The following AHCYL2 variants were observed in gnomAD, a reference collection of about 807,000 sequenced individuals.
AHCYL2 encodes the protein S-adenosylhomocysteine hydrolase-like protein 2.
Under a neutral mutation model 81.4 loss-of-function variants are expected in AHCYL2, and 28 were observed. The ratio of observed to expected loss-of-function variants is 0.34; its 90% confidence interval spans 0.25 to 0.47. The LOEUF (loss-of-function observed/expected upper bound fraction) is 0.47. Ranked by LOEUF, AHCYL2 falls within the 20% of genes least tolerant of loss-of-function variation. AHCYL2 has a pLI of 1.00. For missense variants in AHCYL2, 551 were observed against 785.1 expected, an observed-to-expected ratio of 0.70 and a Z score of 3.56; for synonymous variants, 272 against 290.2, an observed-to-expected ratio of 0.94 and a Z score of 0.64.
rs1215946604 is a variant in AHCYL2, at chr7:129,365,612, T to A, written c.364-14026T>A. 3.9e-5 allele frequency among the ~76,000 whole-genome samples: 4 copies of A among 101,762 alleles called. No individual in the cohort carries two copies. In the South Asian group the frequency reaches 1.4e-3, roughly 35 times the overall value. The allele number at this position is 101,762 out of a possible 152,430, so 66.8% of individuals were successfully genotyped here. ...TTCAAGAAGTAGCAGATAATACAGT[T>A]TACCTGGAGGATAGAGTATATATAT... On this transcript the variant is annotated intron_variant, in intron 1 of 16. Coordinates refer to ENST00000325006, the MANE Select transcript of AHCYL2 (RefSeq NM_015328.4).
rs1187933291 is a variant in AHCYL2, at chr7:129,428,146, C to T, written c.*1101C>T. On this transcript the variant is annotated 3_prime_UTR_variant, in exon 17 of 17. Transcript: ENST00000325006. ...CAGAGATGAAATTGTAAACTGTATC[C>T]AGATTATCAAAGCTAATTTGACTAG... The T allele has an allele frequency of 6.6e-6, 1 of 152,146 alleles. No individual in the cohort carries two copies. The highest frequency in any genetic ancestry group is 1.5e-5 in the Non-Finnish European group (1 of 68,036). 9.4% of individuals were successfully genotyped at this position (152,146 alleles called of 1,614,324 possible). A position where few individuals can be genotyped will look rare whatever the true frequency, so the allele number is the denominator to read the frequency against.
intron 1 of AHCYL2, among the ~76,000 whole-genome samples, chr7:129,371,660 G>T (rs967884183): frequency 5.3e-5 from 8 of 152,132 alleles, no homozygotes; most frequent in Non-Finnish European, 1.0e-4. Flanking sequence ...AGTCCCTTCT[G>T]GTAGTAACCT....
chr7:129,264,775 G>A (rs1795760900), intron 1 of AHCYL2, among the ~76,000 whole-genome samples: 1 of 152,190 alleles, frequency 6.6e-6, no homozygotes. Context: ...TGCTTGTTCA[G>A]TGTGACAGAG....
chr7:129,338,626 T>C (rs538158692), intron 1 of AHCYL2, among the ~76,000 whole-genome samples: 7 of 152,360 alleles, frequency 4.6e-5, no homozygotes, highest in Non-Finnish European at 7.4e-5. Flanking sequence ...TGGTATGTCA[T>C]TGAAGTTTCA....
intron 1 of AHCYL2, among the ~76,000 whole-genome samples, chr7:129,365,972 T>A (rs1794098570): frequency 6.6e-6 from 1 of 152,096 alleles, no homozygotes; most frequent in Admixed American, 6.5e-5. Flanking sequence ...ATTGGCAATT[T>A]AGGTAACAGA....
chr7:129,251,531 T>C (rs1795251477), intron 1 of AHCYL2, among the ~76,000 whole-genome samples: 1 of 152,080 alleles, frequency 6.6e-6, no homozygotes, highest in Admixed American at 6.6e-5. Flanking sequence ...TATTACTAGG[T>C]TTATTATTCT....
chr7:129,331,836 C>T (rs1798436414), intron 1 of AHCYL2, among the ~76,000 whole-genome samples: 2 of 150,750 alleles, frequency 1.3e-5, no homozygotes, highest in Non-Finnish European at 3.0e-5. Context: ...AGTGAGACTC[C>T]CTGTCAAAAA....
chr7:129,398,684 AT>A (rs903842258), intron 5 of AHCYL2, among the ~76,000 whole-genome samples: 55 of 144,062 alleles, frequency 3.8e-4, no homozygotes, highest in Admixed American at 7.0e-4. Flanking sequence ...CGGCTGCCCC[AT>A]TTTTTTTTTT....
intron 1 of AHCYL2, among the ~76,000 whole-genome samples, chr7:129,242,751 A>C (rs62480596): frequency 0.52 from 78,355 of 151,386 alleles, 22,705 homozygotes; most frequent in Non-Finnish European, 0.64. Context: ...GTGGTATGTT[A>C]ATTTATATCA....
intron 1 of AHCYL2, among the ~76,000 whole-genome samples, chr7:129,256,051 G>T (rs541598579): frequency 1.3e-5 from 2 of 151,936 alleles, no homozygotes; most frequent in Non-Finnish European, 2.9e-5. Flanking sequence ...TAATACCTCC[G>T]TCCTGTGTAG....
Position 129,225,139 on chromosome 7 carries a change from C to A in AHCYL2, c.63C>A (p.Asp21Glu). The change falls in exon 1 of 17, where the codon GAC (aspartate) becomes GAA (glutamate). Residue 21 changes from aspartate (D) to glutamate (E), a missense_variant. Around this residue, in one of 2 missense-constraint regions of AHCYL2, gnomAD observed 235 missense variants for 242.1 expected, o/e 0.97. Transcript: ENST00000325006. ...AGGTGCCTGAGGTGGAGCTGAAGGA[C>A]CTGAGCCCCTCCGAGGCGGAGTCGC... ...AAKVPEVELK[D>E]LSPSEAESQL... 3.1e-6 allele frequency: 5 copies of A among 1,602,820 alleles called. No homozygotes were observed. The highest frequency in any genetic ancestry group is 4.3e-6 in the Non-Finnish European group (5 of 1,176,112).
chr7:129,342,592 C>T (rs1465752701), intron 1 of AHCYL2, among the ~76,000 whole-genome samples: 3 of 152,184 alleles, frequency 2.0e-5, no homozygotes, highest in Non-Finnish European at 2.9e-5. Flanking sequence ...TAATTATAAT[C>T]AACTGTTGAA....
At chr7:129,250,056 T>C (rs1419440289) in intron 1 of AHCYL2, among the ~76,000 whole-genome samples, 1 of 152,204 alleles carries the variant, frequency 6.6e-6, no homozygotes, top group Non-Finnish European at 1.5e-5. Flanking sequence ...CACTCCCAAC[T>C]TCTGGGAGGC....
chr7:129,379,664 A>G lies in AHCYL2; in HGVS notation c.390A>G (p.Gln130=), dbSNP rs1304943949. 1 of 1,614,012 alleles carries G rather than the reference A, an allele frequency of 6.2e-7. No individual in the cohort carries two copies. Among genetic ancestry groups the G allele is most frequent in the Non-Finnish European group, 8.5e-7 (1 of 1,179,998 alleles). Residue 130 remains glutamine (Q), a synonymous_variant, in exon 2 of 17, where the codon CAA becomes CAG. Transcript: ENST00000325006. ...AGATCCAGTTTGCTGACCAGAAGCA[A>G]GAATTCAACAAACGTCCCACCAAAA... The part of the protein sequence containing the change: ...KKQIQFADQK[Q]EFNKRPTKIG...
intron 1 of AHCYL2, among the ~76,000 whole-genome samples, chr7:129,245,216 G>C (rs1167370347): frequency 6.6e-6 from 1 of 151,720 alleles, no homozygotes; most frequent in Non-Finnish European, 1.5e-5. Flanking sequence ...GTAGAGATGG[G>C]GTTTCACCAT....
chr7:129,374,703 A>G (rs567666843), intron 1 of AHCYL2, among the ~76,000 whole-genome samples: 2 of 151,620 alleles, frequency 1.3e-5, no homozygotes, highest in African/African-American at 4.8e-5. Flanking sequence ...GCTACTTGGG[A>G]GTCTGAGGTA....
At chr7:129,294,285 TGACGGAA>T (rs1796980312) in intron 1 of AHCYL2, among the ~76,000 whole-genome samples, 1 of 152,210 alleles carries the variant, frequency 6.6e-6, no homozygotes, top group African/African-American at 2.4e-5. Flanking sequence ...CCCACATGTC[TGACGGAA>T]GTGCCAGGAA....
rs1797356047 is a variant in AHCYL2, at chr7:129,426,167, C to G, written c.1709-276C>G. Reference sequence around the variant, plus strand: ...TATTCCTTCTTTTAAATCTTAATGCCTGTTGTTTCTTTCATCTCTCCTGCA... The same window carrying G: ...TATTCCTTCTTTTAAATCTTAATGCGTGTTGTTTCTTTCATCTCTCCTGCA... On this transcript the variant is annotated intron_variant, in intron 15 of 16. Coordinates refer to ENST00000325006, the MANE Select transcript of AHCYL2 (RefSeq NM_015328.4). The surrounding 1 kb of genome is among the most constrained non-coding windows in gnomAD (Gnocchi z 4.3). Among the ~76,000 whole-genome samples, 1 of 152,108 alleles carries G rather than the reference C, an allele frequency of 6.6e-6. No individual in the cohort carries two copies. The highest frequency in any genetic ancestry group is 2.1e-4 in the South Asian group (1 of 4,834).
At chr7:129,392,337 G>A (rs1156800363) in intron 4 of AHCYL2, among the ~76,000 whole-genome samples, 1 of 152,202 alleles carries the variant, frequency 6.6e-6, no homozygotes, top group African/African-American at 2.4e-5. Flanking sequence ...TGGAGGCTAG[G>A]AAGTCCAAGA....
Sources: gnomAD v4.1 joint callset for allele counts (sites outside exome capture counted in the v4.1 genomes callset) on GRCh38, gnomAD v4.1.1 for gene constraint, gnomAD v4.1.1 regional missense constraint, Gnocchi (gnomAD v3.1) non-coding constraint, MANE v1.5 for transcripts, NCBI Gene and HGNC (gene_info 2026-07-23, HGNC 2026-07-21) for gene names.